Variants in ATP2B4 observed in about 807,000 individuals in gnomAD.
ATP2B4 encodes ATPase plasma membrane Ca2+ transporting 4.
In ATP2B4, 39 loss-of-function variants were observed where a neutral mutation model predicts 110.3. The observed-to-expected ratio is 0.35, with a 90% CI of 0.27 to 0.46. The LOEUF (loss-of-function observed/expected upper bound fraction) is 0.46. Ranked by LOEUF, ATP2B4 falls within the 20% of genes least tolerant of loss-of-function variation. ATP2B4 has a pLI of 1.00. For missense variants in ATP2B4, 1,135 were observed against 1,530.9 expected, an observed-to-expected ratio of 0.74 and a Z score of 4.32; for synonymous variants, 538 against 571.7, an observed-to-expected ratio of 0.94 and a Z score of 0.84.
In ATP2B4 at chr1:203,657,867, T is replaced by A. The variant is rs1664211293; in HGVS notation, c.-464-24875T>A. The stretch of plus-strand genomic sequence containing the variant: ...GGCCGGGACAGGAAAGGGTCACCCT[T>A]TTTTAAAAATATTTGTAGTAGAGAC... On this transcript the variant is annotated intron_variant, in intron 1 of 20. Coordinates refer to ENST00000357681, the MANE Select transcript of ATP2B4 (RefSeq NM_001684.5). 1.2e-5 allele frequency: 4 copies of A among 342,850 alleles called. No individual in the cohort carries two copies. The South Asian group carries it at 1.3e-4, about 11-fold the overall frequency. 21.2% of individuals were successfully genotyped at this position (342,850 alleles called of 1,614,324 possible).
intron 1 of ATP2B4, among the ~76,000 whole-genome samples, chr1:203,652,454 C>T (rs1482931861): frequency 3.3e-5 from 5 of 152,156 alleles, no homozygotes; most frequent in South Asian, 4.1e-4. Context: ...CCTACTAAAG[C>T]AACTTCTAAA....
Position 203,703,827 on chromosome 1 carries a change from A to AGCCTC in ATP2B4, c.1099+16_1099+20dup. 1 of 1,612,012 alleles carries AGCCTC rather than the reference A, an allele frequency of 6.2e-7. No homozygotes were observed. The highest frequency in any genetic ancestry group is 2.2e-5 in the East Asian group (1 of 44,846). ...TTGGGAAAGCCGGTGAGTAGGGTAGAGCCTCGTTGTGGTTTATCAATGTTG... is the reference window on the plus strand; with the variant it reads ...TTGGGAAAGCCGGTGAGTAGGGTAGAGCCTCGCCTCGTTGTGGTTTATCAATGTTG... On this transcript the variant is annotated intron_variant, in intron 8 of 20. Coordinates refer to ENST00000357681, the MANE Select transcript of ATP2B4 (RefSeq NM_001684.5).
chr1:203,709,421 G>A lies in ATP2B4; in HGVS notation c.1678G>A (p.Glu560Lys). The change falls in exon 11 of 21, where the codon GAG (glutamate) becomes AAG (lysine). Residue 560 changes from glutamate (E) to lysine (K), a missense_variant. Transcript: ENST00000357681. The part of the protein sequence containing the change: ...YQAVRNEVPE[E>K]KLYKVYTFNS... ...GGCTGTGCGTAATGAAGTGCCCGAGGAGAAGCTCTACAAGGTGTACACCTT... is the reference window on the plus strand; with the variant it reads ...GGCTGTGCGTAATGAAGTGCCCGAGAAGAAGCTCTACAAGGTGTACACCTT... The A allele has an allele frequency of 6.2e-7, 1 of 1,614,222 alleles. No homozygotes were observed. Among genetic ancestry groups the A allele is most frequent in the Non-Finnish European group, 8.5e-7 (1 of 1,180,040 alleles).
chr1:203,704,028 A>C (rs562557950), intron 8 of ATP2B4, among the ~76,000 whole-genome samples: 30 of 152,328 alleles, frequency 2.0e-4, no homozygotes, highest in Non-Finnish European at 3.8e-4. Flanking sequence ...TGTAAGGGTT[A>C]ATGGCCCTGA....
At position 203,709,552 on chromosome 1, in the gene ATP2B4, C is replaced by A. The variant is rs1483895087; in HGVS notation, c.1799+10C>A. ...AGATCATCTTGCGCAAGTGAGCACCCCCGACCACTCTGCTTCCCTTCAAGA... is the reference window on the plus strand; with the variant it reads ...AGATCATCTTGCGCAAGTGAGCACCACCGACCACTCTGCTTCCCTTCAAGA... On this transcript the variant is annotated intron_variant, in intron 11 of 20. Coordinates refer to ENST00000357681, the MANE Select transcript of ATP2B4 (RefSeq NM_001684.5). 1.9e-6 allele frequency: 3 copies of A among 1,613,944 alleles called. No homozygotes were observed. Among genetic ancestry groups the A allele is most frequent in the Admixed American group, 1.7e-5 (1 of 60,018 alleles).
At chr1:203,689,280 G>A (rs915842873) in intron 2 of ATP2B4, among the ~76,000 whole-genome samples, 1 of 152,206 alleles carries the variant, frequency 6.6e-6, no homozygotes, top group Non-Finnish European at 1.5e-5. Flanking sequence ...AAGGAAAAAG[G>A]GATGGTCCTG....
chr1:203,697,560 G>A (rs746610636), intron 2 of ATP2B4, among the ~76,000 whole-genome samples: 2 of 152,202 alleles, frequency 1.3e-5, no homozygotes, highest in African/African-American at 2.4e-5. Context: ...ACTAAGATAA[G>A]TGAGTGGTCC....
In ATP2B4 at chr1:203,701,124, G is replaced by A. The variant is rs1415542140; in HGVS notation, c.901+201G>A. On this transcript the variant is annotated intron_variant, in intron 6 of 20. Transcript: ENST00000357681. The stretch of plus-strand genomic sequence containing the variant: ...GATGAAAACCAGATCCTGGCTCTAG[G>A]CTCCCAAATCAGGTTGAATTTGAGC... Among the ~76,000 whole-genome samples, 4 of 152,036 alleles carry A rather than the reference G, an allele frequency of 2.6e-5. No individual in the cohort carries two copies. In the South Asian group the frequency reaches 8.3e-4, roughly 32 times the overall value.
At chr1:203,734,380 C>T (rs563289827) in intron 20 of ATP2B4, among the ~76,000 whole-genome samples, 3 of 152,038 alleles carry the variant, frequency 2.0e-5, no homozygotes, top group South Asian at 2.1e-4. Flanking sequence ...TGAACATCCC[C>T]GTTATTTTAC....
At chr1:203,722,364 A>G in intron 17 of ATP2B4, 114 bp from the exon 18 acceptor site, 1 of 819,534 alleles carries the variant, frequency 1.2e-6, no homozygotes, top group East Asian at 2.5e-5. Flanking sequence ...CAGCTCAGAT[A>G]TTGATTAATT....
At chr1:203,631,725 G>A (rs10453881) in intron 1 of ATP2B4, among the ~76,000 whole-genome samples, 1 of 152,170 alleles carries the variant, frequency 6.6e-6, no homozygotes, top group Admixed American at 6.5e-5. Context: ...GCAATCCTAC[G>A]TCTAGGAATT....
In ATP2B4 at chr1:203,657,387, G is replaced by A. The variant is rs1056621948; in HGVS notation, c.-464-25355G>A. On this transcript the variant is annotated intron_variant, in intron 1 of 20. Coordinates refer to ENST00000357681, the MANE Select transcript of ATP2B4 (RefSeq NM_001684.5). Reference sequence around the variant, plus strand: ...TCCCTGGGCATGTACTTTAGTCAGAGGGACTTCCCGTTTTCCCACCTTCTC... The same window carrying A: ...TCCCTGGGCATGTACTTTAGTCAGAAGGACTTCCCGTTTTCCCACCTTCTC... The A allele has an allele frequency of 1.5e-5, 11 of 748,506 alleles. No individual in the cohort carries two copies. In the Admixed American group the frequency reaches 2.2e-4, roughly 15 times the overall value. The allele number at this position is 748,506 out of a possible 1,614,324, so 46.4% of individuals were successfully genotyped here.
Position 203,628,629 on chromosome 1 carries a change from C to G in ATP2B4, c.-465+1410C>G, listed in dbSNP as rs567446643. 1.1e-4 allele frequency among the ~76,000 whole-genome samples: 16 copies of G among 152,192 alleles called. No individual in the cohort carries two copies. In the South Asian group the frequency reaches 3.3e-3, roughly 32 times the overall value. On this transcript the variant is annotated intron_variant, in intron 1 of 20. Transcript: ENST00000357681. ...TGGCAGGGAGTCTAGAGACCCTGGC[C>G]CTGCTCCTTAAGCCCCTCCCCAAGC...
At chr1:203,690,289 G>A (rs1277824917) in intron 2 of ATP2B4, among the ~76,000 whole-genome samples, 1 of 152,174 alleles carries the variant, frequency 6.6e-6, no homozygotes, top group Admixed American at 6.5e-5. Context: ...CGGTGTAGCA[G>A]ATTGAAATTT....
At chr1:203,680,112 A>G (rs1326830027) in intron 1 of ATP2B4, among the ~76,000 whole-genome samples, 1 of 150,502 alleles carries the variant, frequency 6.6e-6, no homozygotes, top group Non-Finnish European at 1.5e-5. Flanking sequence ...TGTCTTTTCT[A>G]ATTCTCAAGA....
intron 2 of ATP2B4, among the ~76,000 whole-genome samples, chr1:203,696,993 G>A (rs1226495687): frequency 1.3e-5 from 2 of 152,150 alleles, no homozygotes; most frequent in African/African-American, 2.4e-5. Context: ...CAAGTACTGC[G>A]TGGCATCTGA....
chr1:203,690,857 G>T (rs917901424), intron 2 of ATP2B4, among the ~76,000 whole-genome samples: 3 of 152,116 alleles, frequency 2.0e-5, no homozygotes, highest in African/African-American at 7.2e-5. Context: ...ATGTGAGAAG[G>T]ACTCAAGCCA....
rs753390894 is a variant in ATP2B4 at position 203,700,351 on chromosome 1, A to C, written c.775+20A>C. The C allele has an allele frequency of 6.9e-6, 11 of 1,602,298 alleles. No homozygotes were observed. The highest frequency in any genetic ancestry group is 8.5e-7 in the Non-Finnish European group (1 of 1,174,500). On this transcript the variant is annotated intron_variant, in intron 5 of 20. Coordinates refer to ENST00000357681, the MANE Select transcript of ATP2B4 (RefSeq NM_001684.5). The stretch of plus-strand genomic sequence containing the variant: ...TCTCAGGTATAGGCCCTGGCTGCCC[A>C]AGTTCCCATTTACCTCCCTGCAAAC...
rs779048789 is a variant in ATP2B4, at chr1:203,686,685, C to CTTTTTTTTTTTTTTTTTTTTTTTTT, written c.193+3289_193+3313dup. On this transcript the variant is annotated intron_variant, in intron 2 of 20. Coordinates refer to ENST00000357681, the MANE Select transcript of ATP2B4 (RefSeq NM_001684.5). ...CCTGGTGTTTTTCTTTCTTTTCTTT[C>CTTTTTTTTTTTTTTTTTTTTTTTTT]TTTTTTTTTTTTTTTTTTTTTTTTT... Among the ~76,000 whole-genome samples the CTTTTTTTTTTTTTTTTTTTTTTTTT allele has an allele frequency of 7.5e-4, 32 of 42,780 alleles. 5 individuals carry two copies. Among genetic ancestry groups the CTTTTTTTTTTTTTTTTTTTTTTTTT allele is most frequent in the East Asian group, 2.2e-3 (1 of 462 alleles). 28.1% of individuals were successfully genotyped at this position (42,780 alleles called of 152,430 possible). A position where few individuals can be genotyped will look rare whatever the true frequency, so the allele number is the denominator to read the frequency against.
Sources: allele counts gnomAD v4.1 joint callset (sites outside exome capture counted in the v4.1 genomes callset), GRCh38; gene constraint gnomAD v4.1.1; transcripts MANE v1.5; gene names NCBI Gene and HGNC (gene_info 2026-07-23, HGNC 2026-07-21).